FAM163A: variants seen among roughly 807,000 people sequenced by gnomAD.
FAM163A encodes protein FAM163A.
In FAM163A, 7 loss-of-function variants were observed where a neutral mutation model predicts 12.0. That is an observed-to-expected ratio of 0.58 (90% confidence interval 0.33 to 1.10). FAM163A has a LOEUF of 1.10. FAM163A is among the 50% of genes least tolerant of loss of function. The pLI is 0.03. For synonymous variants in FAM163A, 101 were observed against 91.0 expected, an observed-to-expected ratio of 1.11 and a Z score of -0.62; for missense variants, 202 against 218.6, an observed-to-expected ratio of 0.92 and a Z score of 0.48.
At position 179,815,742 on chromosome 1, in the gene FAM163A, C is replaced by CT. The variant is rs1168717164; in HGVS notation, c.*1554dup. ...CGAGGAGGGTGGGGCAGGGAAAGGGCTGGCCCCCCTGCTGAAATCTTGATT... is the reference window on the plus strand; with the variant it reads ...CGAGGAGGGTGGGGCAGGGAAAGGGCTTGGCCCCCCTGCTGAAATCTTGATT... On this transcript the variant is annotated 3_prime_UTR_variant, in exon 5 of 5. Coordinates refer to ENST00000341785, the MANE Select transcript of FAM163A (RefSeq NM_173509.3). 1 of 152,220 alleles carries CT rather than the reference C, an allele frequency of 6.6e-6. No individual in the cohort carries two copies. The highest frequency in any genetic ancestry group is 2.4e-5 in the African/African-American group (1 of 41,434). The allele number at this position is 152,220 out of a possible 1,614,324, so 9.4% of individuals were successfully genotyped here.
At chr1:179,732,880 C>CAAAAAA in the FAM163A span, among the ~76,000 whole-genome samples, 397 of 39,136 alleles carry the variant, frequency 0.01, 55 homozygotes, top group Non-Finnish European at 0.014. Flanking sequence ...GACTCTGCCT[C>CAAAAAA]AAAAAAAAAA....
chr1:179,787,156 G>A (rs1427212442), intron 1 of FAM163A, among the ~76,000 whole-genome samples: 4 of 152,206 alleles, frequency 2.6e-5, no homozygotes, highest in Non-Finnish European at 4.4e-5. Context: ...AGTGGTATCA[G>A]ACCCAAAGCA....
At chr1:179,748,980 T>C (rs1243784480) in intron 1 of FAM163A, among the ~76,000 whole-genome samples, 1 of 152,226 alleles carries the variant, frequency 6.6e-6, no homozygotes, top group Non-Finnish European at 1.5e-5. Context: ...TTTTCATGTG[T>C]GTGGTAAAAT....
chr1:179,785,841 C>T (rs1348776220), intron 1 of FAM163A, among the ~76,000 whole-genome samples: 2 of 152,164 alleles, frequency 1.3e-5, no homozygotes, highest in Non-Finnish European at 2.9e-5. Context: ...TGGTATTCTA[C>T]ATGTGCCATA....
intron 1 of FAM163A, among the ~76,000 whole-genome samples, chr1:179,778,203 A>C (rs1036415759): frequency 6.6e-6 from 1 of 152,152 alleles, no homozygotes; most frequent in Non-Finnish European, 1.5e-5. Flanking sequence ...TCCTGCCATG[A>C]ACTCTGAACG....
intron 1 of FAM163A, among the ~76,000 whole-genome samples, chr1:179,796,759 T>A (rs1190283979): frequency 1.3e-5 from 2 of 152,244 alleles, no homozygotes; most frequent in African/African-American, 4.8e-5. Context: ...GGACACCGTT[T>A]AGCAGAAAGC....
At chr1:179,794,967 GCTCCTTCCCACATACTCACCACAGAA>G (rs1350091420) in intron 1 of FAM163A, among the ~76,000 whole-genome samples, 1 of 152,128 alleles carries the variant, frequency 6.6e-6, no homozygotes, top group Non-Finnish European at 1.5e-5. Flanking sequence ...CAAGGCCTGG[GCTCCTTCCCACATACTCACCACAGAA>G]CTCTAACCAC....
intron 2 of FAM163A, among the ~76,000 whole-genome samples, chr1:179,808,560 C>T (rs1289666472): frequency 6.6e-6 from 1 of 152,246 alleles, no homozygotes; most frequent in African/African-American, 2.4e-5. Flanking sequence ...TAGGTTTCTT[C>T]CCCAACATGG....
chr1:179,743,061 G>C (rs1411195473), upstream of FAM163A: 1 of 152,342 alleles, frequency 6.6e-6, no homozygotes, highest in Non-Finnish European at 1.5e-5. Flanking sequence ...CAGGGCGCCC[G>C]CCTCCCGCGT....
At chr1:179,812,002 G>A (rs1374356288) in intron 2 of FAM163A, 108 bp from the exon 3 acceptor site, 1 of 152,610 alleles carries the variant, frequency 6.6e-6, no homozygotes, top group Non-Finnish European at 1.5e-5. Flanking sequence ...ATGCCACACA[G>A]CGAAGAAAGC....
the FAM163A span, chr1:179,730,154 G>A: frequency 5.3e-5 from 8 of 152,350 alleles, no homozygotes; most frequent in East Asian, 1.5e-3. Flanking sequence ...ACATCACACA[G>A]GGGCATTTAT....
At chr1:179,805,263 A>G (rs758994677) in intron 1 of FAM163A, among the ~76,000 whole-genome samples, 1 of 152,166 alleles carries the variant, frequency 6.6e-6, no homozygotes, top group Non-Finnish European at 1.5e-5. Flanking sequence ...CACGCCTGTA[A>G]TCCTAGTACT....
chr1:179,800,819 C>T (rs1313900447), intron 1 of FAM163A, among the ~76,000 whole-genome samples: 1 of 152,164 alleles, frequency 6.6e-6, no homozygotes, highest in Non-Finnish European at 1.5e-5. Flanking sequence ...TGATCAGGAG[C>T]CTGAGGTTCA....
At chr1:179,774,534 T>C (rs1392961327) in intron 1 of FAM163A, among the ~76,000 whole-genome samples, 1 of 152,238 alleles carries the variant, frequency 6.6e-6, no homozygotes, top group Non-Finnish European at 1.5e-5. Flanking sequence ...CAGCTGAGAA[T>C]GATCCCCAGT....
intron 2 of FAM163A, among the ~76,000 whole-genome samples, chr1:179,809,939 C>T (rs1474514365): frequency 2.0e-5 from 3 of 152,164 alleles, no homozygotes; most frequent in African/African-American, 7.2e-5. Flanking sequence ...TGGGCAAAAT[C>T]AAAGTGGTCT....
At chr1:179,756,083 C>T (rs1279839106) in intron 1 of FAM163A, among the ~76,000 whole-genome samples, 1 of 152,174 alleles carries the variant, frequency 6.6e-6, no homozygotes, top group African/African-American at 2.4e-5. Context: ...GTGCTGAGCA[C>T]ATTGGAGGAT....
At chr1:179,739,119 A>AAGAAGG (rs759732426), upstream of FAM163A, among the ~76,000 whole-genome samples, 13 of 152,242 alleles carry the variant, frequency 8.5e-5, no homozygotes, top group East Asian at 1.9e-4. Context: ...GAAGAAGGAG[A>AAGAAGG]AGAAGGAGAA....
At chr1:179,749,336 G>A (rs1684942113) in intron 1 of FAM163A, among the ~76,000 whole-genome samples, 1 of 152,220 alleles carries the variant, frequency 6.6e-6, no homozygotes, top group South Asian at 2.1e-4. Context: ...GCAGGGATAA[G>A]GGGCTGTGGG....
At chr1:179,757,610 G>A (rs771263172) in intron 1 of FAM163A, among the ~76,000 whole-genome samples, 7 of 152,102 alleles carry the variant, frequency 4.6e-5, no homozygotes, top group Non-Finnish European at 7.4e-5. Context: ...CCAGGAGTTC[G>A]AGACCAGACT....
Sources: allele counts gnomAD v4.1 joint callset (sites outside exome capture counted in the v4.1 genomes callset), GRCh38; gene constraint gnomAD v4.1.1; transcripts MANE v1.5; gene names NCBI Gene and HGNC (gene_info 2026-07-23, HGNC 2026-07-21).